DNAI4: variants seen among roughly 807,000 people sequenced by gnomAD.
The protein encoded by DNAI4 is dynein axonemal intermediate chain 4.
A neutral mutation model predicts 105.8 loss-of-function variants in DNAI4; 85 were observed. The observed-to-expected ratio is 0.80, with a 90% CI of 0.67 to 0.96. The LOEUF (loss-of-function observed/expected upper bound fraction) is 0.96. Ranked by LOEUF, DNAI4 falls within the 40% of genes least tolerant of loss-of-function variation. DNAI4 has a pLI of 0.00. For synonymous variants in DNAI4, 352 were observed against 331.5 expected (o/e 1.06, Z -0.67); for missense variants, 1,014 against 1,005.6 (o/e 1.01, Z -0.11).
At chr1:66,900,565 TATTTA>T (rs1648730168) in intron 2 of DNAI4, among the ~76,000 whole-genome samples, 1 of 152,240 alleles carries the variant, frequency 6.6e-6, no homozygotes, top group Non-Finnish European at 1.5e-5. Context: ...AATTAGATCT[TATTTA>T]ATTTCTTTCA....
intron 4 of DNAI4, among the ~76,000 whole-genome samples, chr1:66,878,997 C>T (rs945815385): frequency 6.6e-6 from 1 of 152,062 alleles, no homozygotes; most frequent in Non-Finnish European, 1.5e-5. Context: ...AGTCTGTATT[C>T]CATTGTAGGA....
In DNAI4 at chr1:66,840,662, G is replaced by A. The variant is rs775669604; in HGVS notation, c.1301C>T (p.Pro434Leu). 4 of 1,614,030 alleles carry A rather than the reference G, an allele frequency of 2.5e-6. No homozygotes were observed. Among genetic ancestry groups the A allele is most frequent in the Admixed American group, 1.7e-5 (1 of 60,000 alleles). ...RQLPVLKEPEPEEPEDVLESA... is the reference protein window; with the variant it reads ...RQLPVLKEPELEEPEDVLESA... ...TTCTAAAACATCTTCAGGCTCTTCA[G>A]GTTCAGGTTCTAAAGTTTAAACAAA... Residue 434 changes from proline (P) to leucine (L), a missense_variant, in exon 9 of 17, where the codon CCT becomes CTT. By Grantham distance (98) the Pro-to-Leu change is moderately conservative. Transcript: ENST00000371026.
At chr1:66,907,510 G>A (rs184073485) in intron 1 of DNAI4, among the ~76,000 whole-genome samples, 3 of 151,996 alleles carry the variant, frequency 2.0e-5, no homozygotes, top group East Asian at 1.9e-4. Context: ...TACAGATTAC[G>A]TTTAGGCTCA....
chr1:66,924,731 G>A lies in DNAI4; in HGVS notation c.101C>T (p.Thr34Ile). 6.2e-7 allele frequency: 1 copy of A among 1,614,218 alleles called. No homozygotes were observed. Among genetic ancestry groups the A allele is most frequent in the Non-Finnish European group, 8.5e-7 (1 of 1,180,038 alleles). ...FRGGQKKGWC[T>I]TPQLVATMPV... is the part of the protein sequence containing the mutation. ...CATGGTGGCGACCAGCTGGGGAGTG[G>A]TGCACCACCCCTTTTTTTGGCCGCC... is the stretch of plus-strand genomic sequence containing the variant. The change falls in exon 1 of 17, where the codon ACC becomes ATC. Residue 34 changes from threonine (T) to isoleucine (I), a missense_variant. Coordinates refer to ENST00000371026, the MANE Select transcript of DNAI4 (RefSeq NM_024763.5).
chr1:66,862,402 C>T (rs1232783287), intron 6 of DNAI4, 100 bp from the exon 7 acceptor site: 3 of 1,264,322 alleles, frequency 2.4e-6, no homozygotes, highest in Admixed American at 5.3e-5. Context: ...ATAAGAATAT[C>T]TACTATTGCC....
chr1:66,905,918 C>CCTT (rs1649208105), intron 1 of DNAI4, among the ~76,000 whole-genome samples: 1 of 96,404 alleles, frequency 1.0e-5, no homozygotes, highest in African/African-American at 4.0e-5. Flanking sequence ...TTATATACTA[C>CCTT]TTTTTTTTTT....
chr1:66,863,245 T>A (rs1370089514), intron 6 of DNAI4, among the ~76,000 whole-genome samples: 1 of 152,182 alleles, frequency 6.6e-6, no homozygotes, highest in African/African-American at 2.4e-5. Flanking sequence ...AACAATATAT[T>A]TGTACATGCT....
chr1:66,887,153 TC>T (rs1216719874), intron 4 of DNAI4, among the ~76,000 whole-genome samples: 1 of 152,066 alleles, frequency 6.6e-6, no homozygotes, highest in Non-Finnish European at 1.5e-5. Flanking sequence ...ATGATTGTGC[TC>T]CCCCATGAAT....
At chr1:66,853,793 C>G (rs1646444537) in intron 7 of DNAI4, among the ~76,000 whole-genome samples, 1 of 152,136 alleles carries the variant, frequency 6.6e-6, no homozygotes, top group South Asian at 2.1e-4. Flanking sequence ...TGAATTGTTT[C>G]TTACAATCAA....
At chr1:66,899,264 T>C (rs912707022) in intron 2 of DNAI4, among the ~76,000 whole-genome samples, 3 of 152,210 alleles carry the variant, frequency 2.0e-5, no homozygotes, top group African/African-American at 7.2e-5. Flanking sequence ...GCACTTGTTA[T>C]GTGACTCTTT....
intron 13 of DNAI4, among the ~76,000 whole-genome samples, chr1:66,829,764 T>C (rs1645829396): frequency 6.6e-6 from 1 of 152,178 alleles, no homozygotes; most frequent in African/African-American, 2.4e-5. Flanking sequence ...GCATAATACA[T>C]ATTTTTCTCA....
At chr1:66,841,700 A>C (rs1049293320) in intron 8 of DNAI4, among the ~76,000 whole-genome samples, 25 of 152,216 alleles carry the variant, frequency 1.6e-4, no homozygotes, top group Non-Finnish European at 2.4e-4. Context: ...CATATGCCAC[A>C]TATGTGAGTT....
At chr1:66,916,743 A>G (rs538418755) in intron 1 of DNAI4, among the ~76,000 whole-genome samples, 1 of 152,302 alleles carries the variant, frequency 6.6e-6, no homozygotes, top group South Asian at 2.1e-4. Flanking sequence ...AGGCATTTGG[A>G]AGCTGTATTG....
chr1:66,853,827 G>T (rs894866323), intron 7 of DNAI4, among the ~76,000 whole-genome samples: 8 of 152,136 alleles, frequency 5.3e-5, no homozygotes, highest in Non-Finnish European at 8.8e-5. Flanking sequence ...AATGTCTGCT[G>T]TCACCACTCT....
At chr1:66,848,028 G>A (rs1646314532) in intron 7 of DNAI4, 1 of 369,508 alleles carries the variant, frequency 2.7e-6, no homozygotes, top group Non-Finnish European at 5.2e-6. Context: ...CTATACTATT[G>A]TATTAAGTTT....
intron 10 of DNAI4, among the ~76,000 whole-genome samples, chr1:66,836,278 AAG>A (rs1646015178): frequency 7.1e-6 from 1 of 141,420 alleles, no homozygotes; most frequent in African/African-American, 2.6e-5. Flanking sequence ...GAAAGAAAGA[AAG>A]AAAGAAAGAA....
intron 4 of DNAI4, among the ~76,000 whole-genome samples, chr1:66,883,764 G>T (rs1647132768): frequency 6.6e-6 from 1 of 152,046 alleles, no homozygotes; most frequent in Non-Finnish European, 1.5e-5. Context: ...ACAAAGTGAT[G>T]GTTTATGAAT....
At chr1:66,909,213 A>C (rs1207447516) in intron 1 of DNAI4, among the ~76,000 whole-genome samples, 1 of 150,830 alleles carries the variant, frequency 6.6e-6, no homozygotes, top group African/African-American at 2.5e-5. Flanking sequence ...TCCAGCTATC[A>C]GTCATTCATG....
At chr1:66,879,153 T>C (rs1004277894) in intron 4 of DNAI4, among the ~76,000 whole-genome samples, 2 of 152,192 alleles carry the variant, frequency 1.3e-5, no homozygotes, top group African/African-American at 4.8e-5. Context: ...TTTACCATCC[T>C]AAAAATATTC....
Sources: gnomAD v4.1 joint callset for allele counts (sites outside exome capture counted in the v4.1 genomes callset) on GRCh38, gnomAD v4.1.1 for gene constraint, MANE v1.5 for transcripts, NCBI Gene and HGNC (gene_info 2026-07-23, HGNC 2026-07-21) for gene names.